MAGI2: variants seen among roughly 807,000 people sequenced by gnomAD.
MAGI2 encodes membrane-associated guanylate kinase, WW and PDZ domain-containing protein 2.
Under a neutral mutation model 133.3 loss-of-function variants are expected in MAGI2, and 35 were observed. That is an observed-to-expected ratio of 0.26 (90% CI 0.20 to 0.35). The LOEUF (loss-of-function observed/expected upper bound fraction) is 0.35, where lower values mean the gene tolerates loss of function less well. Among genes scored for constraint, MAGI2 ranks in the 10% least tolerant of loss-of-function variants. MAGI2 has a pLI of 1.00. For missense variants in MAGI2, 1,636 were observed against 1,863.4 expected (o/e 0.88, Z 2.25); for synonymous variants, 729 against 710.6 (o/e 1.03, Z -0.41).
intron 1 of MAGI2, among the ~76,000 whole-genome samples, chr7:79,408,164 T>C (rs1236053922): frequency 6.6e-6 from 1 of 152,138 alleles, no homozygotes; most frequent in Non-Finnish European, 1.5e-5. Flanking sequence ...ATGTTTTGTG[T>C]ACTGTTAGAA....
intron 2 of MAGI2, among the ~76,000 whole-genome samples, chr7:78,804,757 A>AT (rs1563525997): frequency 9.1e-5 from 1 of 10,952 alleles, no homozygotes; most frequent in African/African-American, 1.2e-4. Context: ...TCAAAAAAAA[A>AT]AAAAAAAAAA....
At chr7:78,315,287 C>T (rs780210746) in intron 9 of MAGI2, among the ~76,000 whole-genome samples, 8 of 152,108 alleles carry the variant, frequency 5.3e-5, no homozygotes, top group Non-Finnish European at 1.2e-4. Context: ...CGTCTGTGGG[C>T]CAGAGGGTTA....
At chr7:78,276,862 G>A (rs541280568) in intron 9 of MAGI2, among the ~76,000 whole-genome samples, 1 of 152,092 alleles carries the variant, frequency 6.6e-6, no homozygotes, top group Non-Finnish European at 1.5e-5. Flanking sequence ...TCTAGTGGAA[G>A]GGGGAGGAGA....
chr7:78,516,554 T>C (rs1046350199), intron 4 of MAGI2, among the ~76,000 whole-genome samples: 12 of 152,172 alleles, frequency 7.9e-5, no homozygotes, highest in Non-Finnish European at 1.0e-4. Context: ...GATTTTGTCA[T>C]GTTGCCCAGG....
chr7:78,296,047 C>T (rs907259666), intron 9 of MAGI2, among the ~76,000 whole-genome samples: 6 of 152,294 alleles, frequency 3.9e-5, no homozygotes, highest in South Asian at 2.1e-4. Context: ...TCAGCTATAA[C>T]GCTCCCTTTC....
chr7:78,830,253 T>A (rs1250820654), intron 2 of MAGI2, among the ~76,000 whole-genome samples: 4 of 152,140 alleles, frequency 2.6e-5, no homozygotes, highest in African/African-American at 9.6e-5. Context: ...TTTGCTACTG[T>A]TGAAAGAAAA....
intron 2 of MAGI2, among the ~76,000 whole-genome samples, chr7:78,967,673 C>G (rs117164744): frequency 6.6e-6 from 1 of 151,536 alleles, no homozygotes; most frequent in Non-Finnish European, 1.5e-5. Flanking sequence ...ATGTGGATAT[C>G]CAGTTTTCCA....
At chr7:78,140,123 G>A (rs1190389623) in intron 16 of MAGI2, among the ~76,000 whole-genome samples, 2 of 152,146 alleles carry the variant, frequency 1.3e-5, no homozygotes, top group Admixed American at 1.3e-4. Context: ...TTCAGTCACT[G>A]GTCAAAGTGG....
At chr7:78,463,616 G>A (rs920914531) in intron 6 of MAGI2, among the ~76,000 whole-genome samples, 2 of 152,192 alleles carry the variant, frequency 1.3e-5, no homozygotes, top group Admixed American at 6.5e-5. Context: ...AAGCGGGAGA[G>A]CAAAGATGCA....
At chr7:78,371,630 TTTTC>T (rs1467649396) in intron 6 of MAGI2, among the ~76,000 whole-genome samples, 6 of 152,030 alleles carry the variant, frequency 3.9e-5, no homozygotes, top group African/African-American at 7.2e-5. Flanking sequence ...TCATTGATTC[TTTTC>T]TTTGTCAGAT....
intron 6 of MAGI2, among the ~76,000 whole-genome samples, chr7:78,466,083 C>T (rs1790597911): frequency 1.3e-5 from 2 of 152,106 alleles, no homozygotes; most frequent in African/African-American, 4.8e-5. Flanking sequence ...CTAATCAGGG[C>T]CTGCATCACA....
intron 2 of MAGI2, among the ~76,000 whole-genome samples, chr7:78,680,607 A>G (rs1815541662): frequency 1.3e-5 from 2 of 152,298 alleles, no homozygotes; most frequent in South Asian, 4.1e-4. Context: ...TATCCACAAC[A>G]TTTCCAGTAT....
At chr7:79,105,833 G>T (rs886977735) in intron 1 of MAGI2, among the ~76,000 whole-genome samples, 7 of 146,990 alleles carry the variant, frequency 4.8e-5, no homozygotes, top group South Asian at 2.2e-4. Flanking sequence ...TGTTCACCTG[G>T]TTTTTTTTTT....
intron 2 of MAGI2, among the ~76,000 whole-genome samples, chr7:78,999,598 C>A (rs1257495627): frequency 6.6e-6 from 1 of 152,030 alleles, no homozygotes; most frequent in Non-Finnish European, 1.5e-5. Flanking sequence ...AGAAGGTAAA[C>A]CTAATATAGC....
intron 2 of MAGI2, among the ~76,000 whole-genome samples, chr7:78,903,263 G>C (rs944372733): frequency 4.7e-5 from 6 of 128,542 alleles, no homozygotes; most frequent in Non-Finnish European, 6.2e-5. Flanking sequence ...GCGCTGTCTT[G>C]GCTCACCGCA....
At position 78,109,871 on chromosome 7, in the gene MAGI2, G is replaced by GAATGA. The variant is rs1426993606; in HGVS notation, c.3567+15818_3567+15822dup. Among the ~76,000 whole-genome samples the GAATGA allele has an allele frequency of 1.4e-4, 21 of 152,232 alleles. 1 individual carries two copies. Among genetic ancestry groups the GAATGA allele is most frequent in the Admixed American group, 1.2e-3 (18 of 15,296 alleles). ...GGTCTGTATTGTGGCAGTGGCAATG[G>GAATGA]AATGAAATGAAAGAATGCATAATTT... is the stretch of plus-strand genomic sequence containing the variant. On this transcript the variant is annotated intron_variant, in intron 20 of 21. Coordinates refer to ENST00000354212, the MANE Select transcript of MAGI2 (RefSeq NM_012301.4).
At chr7:78,654,038 T>C (rs189576115) in intron 2 of MAGI2, among the ~76,000 whole-genome samples, 1 of 152,174 alleles carries the variant, frequency 6.6e-6, no homozygotes, top group African/African-American at 2.4e-5. Flanking sequence ...AATAATAGTA[T>C]TTTAGCAACA....
At chr7:78,613,051 T>C (rs1263292853) in intron 3 of MAGI2, among the ~76,000 whole-genome samples, 2 of 152,208 alleles carry the variant, frequency 1.3e-5, no homozygotes, top group Admixed American at 1.3e-4. Context: ...TTTAAATGAT[T>C]AGTTTTATTC....
At chr7:78,121,338 T>C (rs1230378538) in intron 20 of MAGI2, among the ~76,000 whole-genome samples, 1 of 151,662 alleles carries the variant, frequency 6.6e-6, no homozygotes, top group African/African-American at 2.4e-5. Flanking sequence ...TGGCATAAGA[T>C]ATCTGTATCA....
Sources: gnomAD v4.1 joint callset for allele counts (sites outside exome capture counted in the v4.1 genomes callset) on GRCh38, gnomAD v4.1.1 for gene constraint, MANE v1.5 for transcripts, NCBI Gene and HGNC (gene_info 2026-07-23, HGNC 2026-07-21) for gene names.